The following SEC23A variants were observed in gnomAD, a reference collection of about 807,000 sequenced individuals.
SEC23A encodes the protein SEC23 homolog A, COPII component, also known as protein transport protein Sec23A.
SEC23A carries 56 observed loss-of-function variants against 103.7 expected under a neutral mutation model. That is an observed-to-expected ratio of 0.54 (90% CI 0.44 to 0.67). SEC23A has a LOEUF of 0.67. Among genes scored for constraint, SEC23A ranks in the 30% least tolerant of loss-of-function variants. The pLI is 0.00. For synonymous variants in SEC23A, 281 were observed against 293.0 expected, an observed-to-expected ratio of 0.96 and a Z score of 0.42; for missense variants, 784 against 936.4, an observed-to-expected ratio of 0.84 and a Z score of 2.12.
intron 14 of SEC23A, among the ~76,000 whole-genome samples, chr14:39,052,268 C>T (rs527905762): frequency 6.6e-6 from 1 of 150,680 alleles, no homozygotes; most frequent in East Asian, 2.0e-4. Flanking sequence ...TTTACCTATA[C>T]AAAAAACCTG....
intron 7 of SEC23A, among the ~76,000 whole-genome samples, chr14:39,077,227 C>CAAAAAAAAAAAAA (rs57549556): frequency 5.5e-5 from 2 of 36,480 alleles, no homozygotes; most frequent in African/African-American, 2.6e-4. Context: ...GACTCCATCT[C>CAAAAAAAAAAAAA]AAAAAAAAAA....
intron 18 of SEC23A, 63 bp from the exon 19 acceptor site, chr14:39,039,159 T>A: frequency 7.8e-7 from 1 of 1,280,116 alleles, no homozygotes; most frequent in South Asian, 1.2e-5. Flanking sequence ...ATCAGCTGAA[T>A]AATTATATCA....
intron 11 of SEC23A, 192 bp downstream of exon 11, chr14:39,064,721 G>A (rs1043869158): frequency 3.9e-5 from 23 of 595,134 alleles, no homozygotes; most frequent in African/African-American, 1.1e-4. Context: ...TGTCCTGTGC[G>A]TTCGCTGTGT....
In SEC23A at chr14:39,096,323, G is replaced by C. The variant is rs574933117; in HGVS notation, c.-21-184C>G. On this transcript the variant is annotated intron_variant, in intron 1 of 19. Coordinates refer to ENST00000307712, the MANE Select transcript of SEC23A (RefSeq NM_006364.4). ...AGACAGGCGGATCACCTGAGGTCGG[G>C]AGTTCGAGACCAGCCTGACCAACAC... 5.8e-4 allele frequency among the ~76,000 whole-genome samples: 89 copies of C among 152,228 alleles called. 1 individual carries two copies. The South Asian group carries it at 0.018, about 31-fold the overall frequency.
At chr14:39,046,098 C>T (rs928083359) in intron 15 of SEC23A, among the ~76,000 whole-genome samples, 2 of 152,162 alleles carry the variant, frequency 1.3e-5, no homozygotes, top group African/African-American at 2.4e-5. Flanking sequence ...CCTGCTGCCA[C>T]GTAAGATATG....
chr14:39,039,462 T>C (rs1344574006), intron 18 of SEC23A: 5 of 222,562 alleles, frequency 2.2e-5, no homozygotes, highest in Non-Finnish European at 4.4e-5. Flanking sequence ...TGAAAATCTG[T>C]ATGTTCTTTT....
intron 5 of SEC23A, chr14:39,088,370 G>C (rs1177962778): frequency 6.6e-6 from 1 of 152,222 alleles, no homozygotes; most frequent in East Asian, 1.9e-4. Context: ...GCCGAGGCGG[G>C]TGGATCACCT....
Position 39,072,006 on chromosome 14 carries a change from G to A in SEC23A, c.1103+2409C>T, listed in dbSNP as rs557500416. On this transcript the variant is annotated intron_variant, in intron 9 of 19. Transcript: ENST00000307712. Reference sequence around the variant, plus strand: ...CCCAGAATTTTAGGAGGCCGAGGTGGGTGGATCTCTTGAGATCAGGAATTC... The same window carrying A: ...CCCAGAATTTTAGGAGGCCGAGGTGAGTGGATCTCTTGAGATCAGGAATTC... Among the ~76,000 whole-genome samples, 7 of 151,602 alleles carry A rather than the reference G, an allele frequency of 4.6e-5. No individual in the cohort carries two copies. The South Asian group carries it at 1.0e-3, about 23-fold the overall frequency.
At chr14:39,047,256 G>A (rs113191714) in intron 15 of SEC23A, 169 of 377,974 alleles carry the variant, frequency 4.5e-4, no homozygotes, top group African/African-American at 3.5e-3. Context: ...GCTTGAGGCA[G>A]GGAGAGAAGA....
intron 11 of SEC23A, 87 bp from the exon 12 acceptor site, chr14:39,063,500 GAAAA>G (rs530578446): frequency 2.7e-6 from 2 of 732,870 alleles, no homozygotes; most frequent in Non-Finnish European, 4.3e-6. Context: ...AAGACCACAG[GAAAA>G]AAAAAAGTCA....
At chr14:39,101,764 C>T (rs1261955095) in intron 1 of SEC23A, among the ~76,000 whole-genome samples, 2 of 152,040 alleles carry the variant, frequency 1.3e-5, no homozygotes, top group East Asian at 3.8e-4. Flanking sequence ...TGTTAGTTGC[C>T]AATTAAATTT....
At chr14:39,071,339 C>T (rs1886834067) in intron 9 of SEC23A, among the ~76,000 whole-genome samples, 1 of 152,188 alleles carries the variant, frequency 6.6e-6, no homozygotes, top group South Asian at 2.1e-4. Context: ...TGGCTCATGC[C>T]TGTAATCCCA....
chr14:39,069,379 T>A (rs574730691), intron 9 of SEC23A, among the ~76,000 whole-genome samples: 3 of 152,296 alleles, frequency 2.0e-5, no homozygotes, highest in African/African-American at 7.2e-5. Flanking sequence ...TAAACGGACT[T>A]TGTAACCTAC....
chr14:39,072,373 G>A (rs968181997), intron 9 of SEC23A, among the ~76,000 whole-genome samples: 16 of 152,100 alleles, frequency 1.1e-4, no homozygotes, highest in African/African-American at 3.9e-4. Flanking sequence ...AATGGGTAAA[G>A]AATCTGAATA....
At chr14:39,082,145 A>G (rs1887248928) in intron 7 of SEC23A, among the ~76,000 whole-genome samples, 2 of 152,158 alleles carry the variant, frequency 1.3e-5, no homozygotes. Context: ...GGAAAACTTA[A>G]GCATCAAAGT....
Position 39,032,475 on chromosome 14 carries a change from C to T in SEC23A, c.*764G>A, listed in dbSNP as rs564170329. 6 of 152,588 alleles carry T rather than the reference C, an allele frequency of 3.9e-5. No homozygotes were observed. The highest frequency in any genetic ancestry group is 1.4e-4 in the African/African-American group (6 of 41,512). 9.5% of individuals were successfully genotyped at this position (152,588 alleles called of 1,614,324 possible). On this transcript the variant is annotated 3_prime_UTR_variant, in exon 20 of 20. Coordinates refer to ENST00000307712, the MANE Select transcript of SEC23A (RefSeq NM_006364.4). ...CTAAATTTGGTTTAGTAGTTACAAC[C>T]GTCATTTTACTGCAAAGGCTTACTA... is the stretch of plus-strand genomic sequence containing the variant.
Position 39,063,413 on chromosome 14 carries a change from C to T in SEC23A, c.1309G>A (p.Glu437Lys). ...NSKGPCVSEN[E>K]IGTGGTCQWK... The stretch of plus-strand genomic sequence containing the variant: ...TGACATGTGCCACCTGTTCCTATCT[C>T]CTGTAAAAATAAAATATAGCATGTT... The change falls in exon 12 of 20, where the codon GAG (glutamate) becomes AAG (lysine). Residue 437 changes from glutamate to lysine, a missense_variant and splice_region_variant. Physicochemically the swap from Glu to Lys is moderately conservative, Grantham distance 56 (BLOSUM62 1). Coordinates refer to ENST00000307712, the MANE Select transcript of SEC23A (RefSeq NM_006364.4). 2 of 1,584,830 alleles carry T rather than the reference C, an allele frequency of 1.3e-6. No individual in the cohort carries two copies. The highest frequency in any genetic ancestry group is 1.7e-6 in the Non-Finnish European group (2 of 1,154,214).
chr14:39,063,592 T>C, intron 11 of SEC23A, among the ~76,000 whole-genome samples, 179 bp from the exon 12 acceptor site: 1 of 152,264 alleles, frequency 6.6e-6, no homozygotes, highest in African/African-American at 2.4e-5. Flanking sequence ...AAAGCATTTT[T>C]ACATAATAAA....
intron 14 of SEC23A, among the ~76,000 whole-genome samples, chr14:39,054,843 T>C (rs1177801603): frequency 6.6e-6 from 1 of 152,188 alleles, no homozygotes; most frequent in Non-Finnish European, 1.5e-5. Flanking sequence ...CTAAAAATTG[T>C]TACAATAATA....
Sources: gnomAD v4.1 joint callset for allele counts (sites outside exome capture counted in the v4.1 genomes callset) on GRCh38, gnomAD v4.1.1 for gene constraint, MANE v1.5 for transcripts, NCBI Gene and HGNC (gene_info 2026-07-23, HGNC 2026-07-21) for gene names.